The following DIAPH3 variants were observed in gnomAD, a reference collection of about 807,000 sequenced individuals.
DIAPH3 encodes the protein protein diaphanous homolog 3.
Under a neutral mutation model 144.3 loss-of-function variants are expected in DIAPH3, and 117 were observed. The ratio of observed to expected loss-of-function variants is 0.81; its 90% CI spans 0.70 to 0.95. The LOEUF (loss-of-function observed/expected upper bound fraction) is 0.95, where lower values mean the gene tolerates loss of function less well. DIAPH3 is among the 40% of genes least tolerant of loss of function. DIAPH3 has a pLI of 0.00. For missense variants in DIAPH3, 1,421 were observed against 1,412.7 expected (o/e 1.01, Z -0.09); for synonymous variants, 519 against 488.9 (o/e 1.06, Z -0.81).
chr13:59,924,816 T>C lies in DIAPH3; in HGVS notation c.2129A>G (p.Lys710Arg), dbSNP rs770369991. ...EEKKSIKKKI[K>R]ELKFLDSKIA... ...TTTAGAATCTAAAAACTTAAGTTCT[T>C]TAATTTTTTTCTTAATCGATTTCTT... The change falls in exon 18 of 28, where the codon AAA (lysine) becomes AGA (arginine). Residue 710 changes from lysine (K) to arginine (R), a missense_variant. Physicochemically the swap from Lys to Arg is conservative, Grantham distance 26 (BLOSUM62 2). Transcript: ENST00000400324. The C allele has an allele frequency of 1.9e-6, 3 of 1,602,146 alleles. No individual in the cohort carries two copies. In the South Asian group the frequency reaches 3.3e-5, roughly 18 times the overall value.
At chr13:59,897,919 G>C (rs1456953675) in intron 20 of DIAPH3, among the ~76,000 whole-genome samples, 1 of 151,648 alleles carries the variant, frequency 6.6e-6, no homozygotes, top group Non-Finnish European at 1.5e-5. Context: ...ATCACTTGAA[G>C]TCAGGAGTTC....
chr13:59,752,731 G>A (rs2037073980), intron 27 of DIAPH3, among the ~76,000 whole-genome samples: 1 of 152,076 alleles, frequency 6.6e-6, no homozygotes, highest in African/African-American at 2.4e-5. Flanking sequence ...TCTATAATGG[G>A]AAAGGTCTAA....
At chr13:59,685,396 T>C in intron 27 of DIAPH3, among the ~76,000 whole-genome samples, 1 of 152,158 alleles carries the variant, frequency 6.6e-6, no homozygotes, top group Admixed American at 6.5e-5. Context: ...GAAGACCTCT[T>C]GTTCTTATAT....
chr13:59,818,186 C>A (rs1275696802), intron 24 of DIAPH3, among the ~76,000 whole-genome samples: 1 of 151,816 alleles, frequency 6.6e-6, no homozygotes, highest in Non-Finnish European at 1.5e-5. Context: ...GTATTGCCTG[C>A]AAACCTGAAA....
chr13:59,912,378 A>T (rs2140240214), intron 19 of DIAPH3, among the ~76,000 whole-genome samples: 1 of 152,282 alleles, frequency 6.6e-6, no homozygotes, highest in South Asian at 2.1e-4. Context: ...TCTAAAACAA[A>T]CTAACTTTTC....
At chr13:59,865,506 T>C (rs148377916) in intron 21 of DIAPH3, among the ~76,000 whole-genome samples, 183 of 152,190 alleles carry the variant, frequency 1.2e-3, no homozygotes, top group African/African-American at 4.1e-3. Context: ...ATTTCTTTTG[T>C]ATTACTGTCA....
At chr13:60,094,880 C>A (rs2058058581) in intron 3 of DIAPH3, among the ~76,000 whole-genome samples, 2 of 152,166 alleles carry the variant, frequency 1.3e-5, no homozygotes, top group Non-Finnish European at 2.9e-5. Flanking sequence ...TTGGCAATGT[C>A]ACTTTTGCTG....
intron 20 of DIAPH3, among the ~76,000 whole-genome samples, chr13:59,893,617 T>C (rs1451882745): frequency 6.6e-6 from 1 of 152,012 alleles, no homozygotes; most frequent in Non-Finnish European, 1.5e-5. Context: ...GACATTAAAG[T>C]TCTTGGTGGT....
chr13:59,754,560 T>G (rs1304495250), intron 27 of DIAPH3, among the ~76,000 whole-genome samples: 1 of 152,170 alleles, frequency 6.6e-6, no homozygotes, highest in Non-Finnish European at 1.5e-5. Context: ...ACTTAATAGC[T>G]ATAATGATCT....
chr13:60,023,581 G>A (rs79623178), intron 5 of DIAPH3, among the ~76,000 whole-genome samples: 2,135 of 151,642 alleles, frequency 0.014, 66 homozygotes, highest in East Asian at 0.1. Context: ...CTACAGGCAC[G>A]CACCACCATG....
At chr13:59,793,048 C>T (rs2039406735) in intron 25 of DIAPH3, among the ~76,000 whole-genome samples, 1 of 152,090 alleles carries the variant, frequency 6.6e-6, no homozygotes, top group African/African-American at 2.4e-5. Context: ...CAACCATGGC[C>T]CTTCCTCTGC....
intron 25 of DIAPH3, among the ~76,000 whole-genome samples, chr13:59,789,532 T>TA (rs1017144636): frequency 6.6e-5 from 10 of 151,984 alleles, no homozygotes; most frequent in African/African-American, 1.7e-4. Context: ...CAATAAGAAT[T>TA]AAAAAAAGAA....
At chr13:59,692,593 C>A (rs1281881336) in intron 27 of DIAPH3, among the ~76,000 whole-genome samples, 1 of 152,028 alleles carries the variant, frequency 6.6e-6, no homozygotes, top group Non-Finnish European at 1.5e-5. Flanking sequence ...CTTTTAATGA[C>A]AAGGAAACAG....
At chr13:59,738,814 T>G (rs2139031748) in intron 27 of DIAPH3, among the ~76,000 whole-genome samples, 1 of 152,330 alleles carries the variant, frequency 6.6e-6, no homozygotes. Flanking sequence ...TCTTTTCAAA[T>G]TTTGAAAAGT....
At position 59,795,286 on chromosome 13, in the gene DIAPH3, G is replaced by A. The variant is rs11838871; in HGVS notation, c.3163+15502C>T. Among the ~76,000 whole-genome samples the A allele has an allele frequency of 5.8e-3, 878 of 152,272 alleles. 9 individuals carry two copies. The highest frequency in any genetic ancestry group is 0.027 in the Middle Eastern group (8 of 294). ...TTCATTCAGCATGAGACAGTAGATAGGCTGATAATATAATGAAAAATTAAG... is the reference window on the plus strand; with the variant it reads ...TTCATTCAGCATGAGACAGTAGATAAGCTGATAATATAATGAAAAATTAAG... On this transcript the variant is annotated intron_variant, in intron 25 of 27. Transcript: ENST00000400324.
At position 59,991,152 on chromosome 13, in the gene DIAPH3, T is replaced by C. The variant is rs759574400; in HGVS notation, c.1361+6A>G. ...AAGAAAACATTAGAATACAACTTCC[T>C]CTTACCTTATAAAATAATCATTTCG... On this transcript the variant is annotated splice_donor_region_variant and intron_variant, in intron 12 of 27. Transcript: ENST00000400324. 3 of 1,536,958 alleles carry C rather than the reference T, an allele frequency of 2.0e-6. No individual in the cohort carries two copies. Among genetic ancestry groups the C allele is most frequent in the African/African-American group, 1.4e-5 (1 of 73,198 alleles).
intron 9 of DIAPH3, among the ~76,000 whole-genome samples, chr13:59,994,073 G>A (rs2052027598): frequency 6.6e-6 from 1 of 151,752 alleles, no homozygotes; most frequent in African/African-American, 2.4e-5. Context: ...TTAGAAATAA[G>A]GGAAAGGATA....
At chr13:60,042,937 G>T in intron 4 of DIAPH3, 117 bp from the exon 5 acceptor site, 1 of 1,171,728 alleles carries the variant, frequency 8.5e-7, no homozygotes, top group Non-Finnish European at 1.2e-6. Flanking sequence ...CACTATTTGG[G>T]CAAGGGTGGT....
intron 2 of DIAPH3, among the ~76,000 whole-genome samples, chr13:60,126,863 G>A (rs2059004968): frequency 6.6e-6 from 1 of 152,026 alleles, no homozygotes; most frequent in South Asian, 2.1e-4. Context: ...GTGGGATGCA[G>A]CTAAAGCAGA....
Sources: allele counts gnomAD v4.1 joint callset (sites outside exome capture counted in the v4.1 genomes callset), GRCh38; gene constraint gnomAD v4.1.1; transcripts MANE v1.5; gene names NCBI Gene and HGNC (gene_info 2026-07-23, HGNC 2026-07-21).